Variants in UNC13C observed in about 807,000 individuals in gnomAD.
The protein encoded by UNC13C is unc-13 homolog C.
Under a neutral mutation model 245.4 loss-of-function variants are expected in UNC13C, and 174 were observed. That is an observed-to-expected ratio of 0.71 (90% CI 0.63 to 0.80). UNC13C has a LOEUF of 0.80. Among genes scored for constraint, UNC13C ranks in the 30% least tolerant of loss-of-function variants. UNC13C has a pLI of 0.00. For synonymous variants in UNC13C, 992 were observed against 895.1 expected, an observed-to-expected ratio of 1.11 and a Z score of -1.93; for missense variants, 2,829 against 2,602.9, an observed-to-expected ratio of 1.09 and a Z score of -1.89.
intron 8 of UNC13C, among the ~76,000 whole-genome samples, chr15:54,259,431 A>G (rs901583321): frequency 3.3e-5 from 5 of 152,240 alleles, no homozygotes; most frequent in African/African-American, 1.2e-4. Flanking sequence ...CATGTCTTAC[A>G]TGGCATCAGG....
At chr15:54,017,722 A>T (rs1399024758) in intron 2 of UNC13C, among the ~76,000 whole-genome samples, 1 of 152,172 alleles carries the variant, frequency 6.6e-6, no homozygotes, top group East Asian at 1.9e-4. Flanking sequence ...CAGCTAACAA[A>T]CTTAGTCATC....
intron 8 of UNC13C, among the ~76,000 whole-genome samples, chr15:54,262,800 C>T (rs1596105947): frequency 6.6e-6 from 1 of 151,984 alleles, no homozygotes; most frequent in African/African-American, 2.4e-5. Context: ...TATTCACACT[C>T]ATTATTAGGA....
At chr15:54,291,927 G>A (rs2037308908) in intron 10 of UNC13C, among the ~76,000 whole-genome samples, 1 of 151,902 alleles carries the variant, frequency 6.6e-6, no homozygotes. Context: ...ACGTGTAAGG[G>A]CTTGGATACA....
Position 54,014,318 on chromosome 15 carries a change from A to G in UNC13C, c.1415A>G (p.Glu472Gly). The G allele has an allele frequency of 6.2e-7, 1 of 1,613,936 alleles. No individual in the cohort carries two copies. Among genetic ancestry groups the G allele is most frequent in the Non-Finnish European group, 8.5e-7 (1 of 1,179,840 alleles). The change falls in exon 2 of 33, where the codon GAG becomes GGG. Residue 472 changes from glutamate to glycine, a missense_variant. By Grantham distance (98) the Glu-to-Gly change is moderately conservative. Transcript: ENST00000260323. ...AGTTACGCTGTGCTTTCCAAGTCAG[A>G]GCTTCTAACAAAGGGAAGTACTTCC... is the stretch of plus-strand genomic sequence containing the variant. ...RNSYAVLSKS[E>G]LLTKGSTSKP... is the part of the protein sequence containing the mutation.
chr15:54,406,620 G>GCAAACATCAATAACATTGTGCCAGTTC (rs2040298452), intron 18 of UNC13C, among the ~76,000 whole-genome samples: 1 of 152,086 alleles, frequency 6.6e-6, no homozygotes, highest in Non-Finnish European at 1.5e-5. Flanking sequence ...GAACTACAAA[G>GCAAACATCAATAACATTGTGCCAGTTC]CAAACATCAA....
intron 30 of UNC13C, among the ~76,000 whole-genome samples, chr15:54,585,167 A>G (rs1898421353): frequency 6.6e-6 from 1 of 152,160 alleles, no homozygotes; most frequent in African/African-American, 2.4e-5. Flanking sequence ...TCATGTTGAA[A>G]TGTGATCCTC....
At chr15:54,372,390 A>C (rs536110060) in intron 17 of UNC13C, among the ~76,000 whole-genome samples, 2 of 152,210 alleles carry the variant, frequency 1.3e-5, no homozygotes, top group East Asian at 3.9e-4. Context: ...GTCCTACATA[A>C]AAATAGTGAA....
At chr15:54,080,401 G>A (rs1434675491) in intron 2 of UNC13C, among the ~76,000 whole-genome samples, 1 of 151,968 alleles carries the variant, frequency 6.6e-6, no homozygotes, top group African/African-American at 2.4e-5. Context: ...ATTGGTATCA[G>A]CTCTTCTTTG....
chr15:54,192,792 C>G (rs2034229256), intron 4 of UNC13C, among the ~76,000 whole-genome samples: 1 of 152,002 alleles, frequency 6.6e-6, no homozygotes, highest in African/African-American at 2.4e-5. Context: ...ATTTGCCAGT[C>G]CTTTCTCATA....
intron 17 of UNC13C, among the ~76,000 whole-genome samples, chr15:54,387,439 A>G (rs1170357609): frequency 6.6e-6 from 1 of 152,166 alleles, no homozygotes; most frequent in Non-Finnish European, 1.5e-5. Flanking sequence ...GCATGTTAAT[A>G]CATTATAATT....
chr15:54,115,823 C>G (rs546879904), intron 2 of UNC13C, among the ~76,000 whole-genome samples: 4 of 152,056 alleles, frequency 2.6e-5, no homozygotes, highest in Admixed American at 2.0e-4. Flanking sequence ...TGATTTCCCT[C>G]AAGGCTCTCA....
At chr15:54,538,915 A>G (rs995506484) in intron 26 of UNC13C, among the ~76,000 whole-genome samples, 1 of 152,064 alleles carries the variant, frequency 6.6e-6, no homozygotes, top group Non-Finnish European at 1.5e-5. Context: ...TACCTGGGTG[A>G]CAAAATAATC....
At chr15:54,443,176 C>T (rs950570859) in intron 19 of UNC13C, among the ~76,000 whole-genome samples, 2 of 152,042 alleles carry the variant, frequency 1.3e-5, no homozygotes, top group South Asian at 2.1e-4. Flanking sequence ...TCCATTTCCT[C>T]TAGGTTTTCC....
At chr15:53,886,996 T>C in the UNC13C span, among the ~76,000 whole-genome samples, 1 of 152,110 alleles carries the variant, frequency 6.6e-6, no homozygotes, top group Non-Finnish European at 1.5e-5. Flanking sequence ...GAGGTGCCCA[T>C]GGAATTATGA....
At chr15:54,534,217 G>A (rs1475116085) in intron 26 of UNC13C, among the ~76,000 whole-genome samples, 1 of 152,104 alleles carries the variant, frequency 6.6e-6, no homozygotes, top group East Asian at 1.9e-4. Flanking sequence ...CTCCAGTGCA[G>A]CAGGTGCTTG....
At position 54,549,485 on chromosome 15, in the gene UNC13C, A is replaced by G. The variant is rs181041060; in HGVS notation, c.5821-150A>G. The G allele has an allele frequency of 6.4e-4, 378 of 590,996 alleles. 7 individuals carry two copies. The East Asian group carries it at 7.6e-3, about 12-fold the overall frequency. 36.6% of individuals were successfully genotyped at this position (590,996 alleles called of 1,614,324 possible). On this transcript the variant is annotated intron_variant, in intron 27 of 32. Transcript: ENST00000260323. ...CAGCGGTACTAGATATATTTGACCC[A>G]ATCTTTATAATAGACCAATTAAGGG...
At chr15:54,320,514 CT>C (rs1194164610) in intron 13 of UNC13C, among the ~76,000 whole-genome samples, 7 of 151,918 alleles carry the variant, frequency 4.6e-5, no homozygotes, top group African/African-American at 1.7e-4. Context: ...AAAACAGAAA[CT>C]AAAATAACGT....
At chr15:54,605,129 G>C (rs1403341996) in intron 30 of UNC13C, among the ~76,000 whole-genome samples, 2 of 152,144 alleles carry the variant, frequency 1.3e-5, no homozygotes, top group African/African-American at 2.4e-5. Context: ...TAAAGCTGGA[G>C]GGAGAAGTGA....
intron 1 of UNC13C, among the ~76,000 whole-genome samples, chr15:53,998,016 T>C (rs1894713682): frequency 6.6e-6 from 1 of 152,140 alleles, no homozygotes; most frequent in Admixed American, 6.6e-5. Context: ...TTGCCCAGGC[T>C]GGTCTAGAAT....
Sources: allele counts gnomAD v4.1 joint callset (sites outside exome capture counted in the v4.1 genomes callset), GRCh38; gene constraint gnomAD v4.1.1; transcripts MANE v1.5; gene names NCBI Gene and HGNC (gene_info 2026-07-23, HGNC 2026-07-21).